ASPHD1: variants seen among roughly 807,000 people sequenced by gnomAD.
The protein encoded by ASPHD1 is aspartate beta-hydroxylase domain containing 1, also known as aspartate beta-hydroxylase domain-containing protein 1.
A neutral mutation model predicts 28.3 loss-of-function variants in ASPHD1; 20 were observed. The observed-to-expected ratio is 0.71, with a 90% CI of 0.50 to 1.03. ASPHD1 has a LOEUF of 1.03. ASPHD1 is among the 50% of genes least tolerant of loss of function. The pLI is 0.00. For missense variants in ASPHD1, 479 were observed against 524.1 expected (o/e 0.91, Z 0.84); for synonymous variants, 240 against 221.2 (o/e 1.08, Z -0.75).
chr16:29,904,993 G>T (rs773020588), intron 2 of ASPHD1, 28 bp downstream of exon 2: 1 of 1,548,280 alleles, frequency 6.5e-7, no homozygotes, highest in South Asian at 1.1e-5. Flanking sequence ...CTGCAGGGGG[G>T]ATGAGGGACT....
At chr16:29,918,760 C>T (rs908682005) in intron 3 of ASPHD1, among the ~76,000 whole-genome samples, 10 of 152,014 alleles carry the variant, frequency 6.6e-5, no homozygotes, top group Non-Finnish European at 8.8e-5. Flanking sequence ...CAGGTTCAAG[C>T]GATTCTCCTG....
intron 3 of ASPHD1, among the ~76,000 whole-genome samples, chr16:29,916,623 G>A (rs1363683681): frequency 6.6e-6 from 1 of 152,154 alleles, no homozygotes; most frequent in Non-Finnish European, 1.5e-5. Context: ...CAGCATTTTG[G>A]GAGGCCAAGG....
intron 2 of ASPHD1, among the ~76,000 whole-genome samples, chr16:29,905,467 C>T (rs1052832970): frequency 4.0e-5 from 6 of 151,514 alleles, no homozygotes; most frequent in African/African-American, 1.5e-4. Flanking sequence ...CTCTATTAAA[C>T]ATACAAAGAA....
downstream of ASPHD1, among the ~76,000 whole-genome samples, chr16:29,909,050 G>GATTCATTC (rs35566440): frequency 2.0e-5 from 3 of 151,286 alleles, no homozygotes; most frequent in East Asian, 1.9e-4. Flanking sequence ...CTGGGTCACT[G>GATTCATTC]ATTCATTCAT....
At chr16:29,906,815 GGAAA>G (rs1309716468), downstream of ASPHD1, 17 of 1,486,848 alleles carry the variant, frequency 1.1e-5, no homozygotes, top group Non-Finnish European at 1.5e-5. Context: ...GGAAGGGGAG[GGAAA>G]GAGAGAGGGA....
chr16:29,918,044 G>A (rs1290112799), intron 3 of ASPHD1, among the ~76,000 whole-genome samples: 1 of 152,158 alleles, frequency 6.6e-6, no homozygotes, highest in East Asian at 1.9e-4. Flanking sequence ...GGCAAAAAAT[G>A]GTGAGGAATT....
chr16:29,917,336 T>C (rs1321728870), intron 3 of ASPHD1, among the ~76,000 whole-genome samples: 1 of 152,120 alleles, frequency 6.6e-6, no homozygotes, highest in East Asian at 1.9e-4. Flanking sequence ...AATACCCATA[T>C]ATGAAAAAAA....
intron 3 of ASPHD1, chr16:29,913,556 C>T (rs2068754597): frequency 6.6e-6 from 1 of 152,308 alleles, no homozygotes; most frequent in Admixed American, 6.5e-5. Flanking sequence ...AGGATCTCAG[C>T]AGTGGCTCGG....
At chr16:29,911,412 G>A in intron 3 of ASPHD1, 1 of 564,050 alleles carries the variant, frequency 1.8e-6, no homozygotes, top group Non-Finnish European at 3.1e-6. Flanking sequence ...CGGGAGCCAG[G>A]CCACCTCCCC....
chr16:29,907,373 CTGAG>C (rs1370639490), downstream of ASPHD1, among the ~76,000 whole-genome samples: 1 of 152,208 alleles, frequency 6.6e-6, no homozygotes, highest in African/African-American at 2.4e-5. Flanking sequence ...TTGACAAATA[CTGAG>C]TGAGTGCACT....
Position 29,905,980 on chromosome 16 carries a change from ACTGC to A in ASPHD1, c.*84_*87del. On this transcript the variant is annotated 3_prime_UTR_variant, in exon 3 of 3. Coordinates refer to ENST00000308748, the MANE Select transcript of ASPHD1 (RefSeq NM_181718.4). ...TGATGGTAGCCAGGACCTCCTCTCT[ACTGC>A]GGGGGTGGGCGGGGGCGGAGGATGG... The A allele has an allele frequency of 1.7e-6, 1 of 578,426 alleles. No individual in the cohort carries two copies. The highest frequency in any genetic ancestry group is 3.0e-6 in the Non-Finnish European group (1 of 338,190). The allele number at this position is 578,426 out of a possible 1,614,324, so 35.8% of individuals were successfully genotyped here. A position where few individuals can be genotyped will look rare whatever the true frequency, so the allele number is the denominator to read the frequency against.
chr16:29,909,968 G>A (rs567266114), downstream of ASPHD1, among the ~76,000 whole-genome samples: 142 of 151,804 alleles, frequency 9.4e-4, 1 homozygote, highest in African/African-American at 3.3e-3. Flanking sequence ...GCATGGAGGC[G>A]GGTGCCTGTA....
In ASPHD1 at chr16:29,901,532, A is replaced by T; in HGVS notation, c.561A>T (p.Pro187=). Residue 187 remains proline (P), a synonymous_variant, in exon 1 of 3, where the codon CCA becomes CCT. Coordinates refer to ENST00000308748, the MANE Select transcript of ASPHD1 (RefSeq NM_181718.4). The surrounding 1 kb of genome is among the most constrained non-coding windows in gnomAD (Gnocchi z 5.1). ...RGPGVLGIQR[P]GLLFLPDLPS... is the part of the protein sequence containing the mutation. ...CAGGGGTCCTAGGTATTCAGCGCCC[A>T]GGCCTGCTTTTCCTACCAGACCTGC... The T allele has an allele frequency of 6.4e-7, 1 of 1,573,752 alleles. No individual in the cohort carries two copies. The highest frequency in any genetic ancestry group is 1.4e-5 in the African/African-American group (1 of 73,612).
chr16:29,907,827 T>G (rs1260020395), downstream of ASPHD1, among the ~76,000 whole-genome samples: 1 of 151,156 alleles, frequency 6.6e-6, no homozygotes, highest in Non-Finnish European at 1.5e-5. Flanking sequence ...ATAAATGCAG[T>G]CAAATGATGA....
chr16:29,915,915 G>C (rs2068801565), intron 3 of ASPHD1, among the ~76,000 whole-genome samples: 2 of 152,096 alleles, frequency 1.3e-5, no homozygotes, highest in South Asian at 2.1e-4. Flanking sequence ...ATCTGGAAAG[G>C]CTGGGAATTT....
rs189634903 is a variant in ASPHD1 at position 29,916,453 on chromosome 16, C to T, written c.*63-3078C>T. On this transcript the variant is annotated intron_variant and NMD_transcript_variant, in intron 3 of 3. Transcript: ENST00000414952. ...CCTCAAAGTCCTTCCAGCTTCTTCC[C>T]ACTTCTCAGTTGTAAAGTTACTTCT... Among the ~76,000 whole-genome samples, 13 of 152,320 alleles carry T rather than the reference C, an allele frequency of 8.5e-5. No individual in the cohort carries two copies. In the East Asian group the frequency reaches 2.5e-3, roughly 29 times the overall value.
At chr16:29,914,229 CCTTGGTGGCTGGCTCCA>C (rs2068768483) in intron 3 of ASPHD1, 1 of 152,088 alleles carries the variant, frequency 6.6e-6, no homozygotes. Context: ...CATCAGGCTG[CCTTGGTGGCTGGCTCCA>C]CAGGCCACCG....
At chr16:29,904,586 C>G (rs1395728001) in intron 1 of ASPHD1, among the ~76,000 whole-genome samples, 1 of 148,896 alleles carries the variant, frequency 6.7e-6, no homozygotes, top group African/African-American at 2.5e-5. Context: ...CCACTCCAGC[C>G]TGGGTGAGAG....
Position 29,903,224 on chromosome 16 carries a change from C to T in ASPHD1, c.949+1304C>T, listed in dbSNP as rs1398746013. 2.0e-5 allele frequency among the ~76,000 whole-genome samples: 3 copies of T among 151,784 alleles called. No individual in the cohort carries two copies. The East Asian group carries it at 5.9e-4, about 30-fold the overall frequency. The stretch of plus-strand genomic sequence containing the variant: ...ACAGAAAATTAGCTGGGTGTGGTGT[C>T]GCATGCCTGTAATCCCAGCTACTCG... On this transcript the variant is annotated intron_variant, in intron 1 of 2. Transcript: ENST00000308748.
Sources: gnomAD v4.1 joint callset for allele counts (sites outside exome capture counted in the v4.1 genomes callset) on GRCh38, gnomAD v4.1.1 for gene constraint, Gnocchi (gnomAD v3.1) non-coding constraint, MANE v1.5 for transcripts, NCBI Gene and HGNC (gene_info 2026-07-23, HGNC 2026-07-21) for gene names.